PITPNB: variants seen among roughly 807,000 people sequenced by gnomAD.
PITPNB encodes phosphatidylinositol transfer protein beta isoform.
A neutral mutation model predicts 45.9 loss-of-function variants in PITPNB; 16 were observed. The ratio of observed to expected loss-of-function variants is 0.35; its 90% CI spans 0.24 to 0.53. The LOEUF is 0.53. Ranked by LOEUF, PITPNB falls within the 20% of genes least tolerant of loss-of-function variation. The pLI is 0.93. For missense variants in PITPNB, 188 were observed against 330.5 expected (o/e 0.57, Z 3.34); for synonymous variants, 112 against 108.9 (o/e 1.03, Z -0.18).
chr22:27,886,788 G>A (rs1935133772), intron 7 of PITPNB, among the ~76,000 whole-genome samples: 1 of 152,188 alleles, frequency 6.6e-6, no homozygotes, highest in Non-Finnish European at 1.5e-5. Context: ...TTTCATGTTT[G>A]TCCTGACTCT....
intron 3 of PITPNB, among the ~76,000 whole-genome samples, chr22:27,907,610 G>A (rs1235600063): frequency 6.6e-6 from 1 of 151,736 alleles, no homozygotes; most frequent in Non-Finnish European, 1.5e-5. Flanking sequence ...ATTCCTCTCT[G>A]TGCTTTTGCC....
chr22:27,872,480 A>T (rs1298660893), intron 8 of PITPNB, among the ~76,000 whole-genome samples: 6 of 152,152 alleles, frequency 3.9e-5, no homozygotes, highest in Admixed American at 3.9e-4. Context: ...AAACTGGGAG[A>T]ATTCTGAACT....
At chr22:27,871,820 G>A (rs755072555) in intron 8 of PITPNB, among the ~76,000 whole-genome samples, 1 of 152,172 alleles carries the variant, frequency 6.6e-6, no homozygotes, top group South Asian at 2.1e-4. Flanking sequence ...GCCTCTAACA[G>A]GTGTTTGCAT....
At chr22:27,881,722 A>G (rs905045194) in intron 7 of PITPNB, among the ~76,000 whole-genome samples, 1 of 152,168 alleles carries the variant, frequency 6.6e-6, no homozygotes, top group Non-Finnish European at 1.5e-5. Flanking sequence ...TGTAACATCT[A>G]AAACACAGGA....
chr22:27,899,451 T>C (rs1275969169), intron 3 of PITPNB, among the ~76,000 whole-genome samples: 3 of 151,996 alleles, frequency 2.0e-5, no homozygotes, highest in Non-Finnish European at 2.9e-5. Context: ...GGCTCCCGAA[T>C]AGCTGGGGGT....
chr22:27,864,582 A>G lies in PITPNB; in HGVS notation c.535-4341T>C, dbSNP rs1370924921. On this transcript the variant is annotated intron_variant, in intron 8 of 11. Coordinates refer to ENST00000335272, the MANE Select transcript of PITPNB (RefSeq NM_012399.5). ...TATTAACTGAAATACCCACTACAGG[A>G]GACAGGTGAAATACTTCATAGGCCT... Among the ~76,000 whole-genome samples, 3 of 152,296 alleles carry G rather than the reference A, an allele frequency of 2.0e-5. No homozygotes were observed. The East Asian group carries it at 5.8e-4, about 29-fold the overall frequency.
At chr22:27,893,581 C>G (rs1424288784) in intron 7 of PITPNB, among the ~76,000 whole-genome samples, 5 of 132,958 alleles carry the variant, frequency 3.8e-5, no homozygotes, top group Non-Finnish European at 7.8e-5. Context: ...CCATGTCTAG[C>G]CTTTTTTTTT....
chr22:27,916,348 G>A (rs1378590274), intron 1 of PITPNB, among the ~76,000 whole-genome samples: 8 of 152,210 alleles, frequency 5.3e-5, no homozygotes, highest in Non-Finnish European at 1.2e-4. Flanking sequence ...AGTTGAAAAT[G>A]TTCAAATGTC....
Position 27,852,049 on chromosome 22 carries a change from A to G in PITPNB, c.*1653T>C, listed in dbSNP as rs1303828067. 1 of 152,216 alleles carries G rather than the reference A, an allele frequency of 6.6e-6. No individual in the cohort carries two copies. The highest frequency in any genetic ancestry group is 1.5e-5 in the Non-Finnish European group (1 of 68,048). The allele number at this position is 152,216 out of a possible 1,614,324, so 9.4% of individuals were successfully genotyped here. A position where few individuals can be genotyped will look rare whatever the true frequency, so the allele number is the denominator to read the frequency against. On this transcript the variant is annotated 3_prime_UTR_variant, in exon 12 of 12. Transcript: ENST00000335272. ...AGTCTTTATCCTGAGTACACAAAGG[A>G]TGTATGAAATGTGGGTTTTGTTGCT...
chr22:27,874,201 A>C (rs1251876040), intron 7 of PITPNB, among the ~76,000 whole-genome samples: 1 of 152,222 alleles, frequency 6.6e-6, no homozygotes, highest in Non-Finnish European at 1.5e-5. Context: ...CACTACAGGT[A>C]GATGATGACA....
At position 27,853,263 on chromosome 22, in the gene PITPNB, C is replaced by T. The variant is rs1383145156; in HGVS notation, c.*439G>A. 2 of 219,442 alleles carry T rather than the reference C, an allele frequency of 9.1e-6. No individual in the cohort carries two copies. Among genetic ancestry groups the T allele is most frequent in the Non-Finnish European group, 1.8e-5 (2 of 111,928 alleles). 13.6% of individuals were successfully genotyped at this position (219,442 alleles called of 1,614,324 possible). Reference sequence around the variant, plus strand: ...CACAGCTTGACATTTATGAAACATACCAGCTAGTATTACATTGCAGTCAAT... The same window carrying T: ...CACAGCTTGACATTTATGAAACATATCAGCTAGTATTACATTGCAGTCAAT... On this transcript the variant is annotated 3_prime_UTR_variant, in exon 12 of 12. Coordinates refer to ENST00000335272, the MANE Select transcript of PITPNB (RefSeq NM_012399.5).
intron 3 of PITPNB, among the ~76,000 whole-genome samples, chr22:27,904,186 T>A (rs1935692932): frequency 1.3e-5 from 2 of 152,158 alleles, no homozygotes; most frequent in South Asian, 2.1e-4. Flanking sequence ...TATGCACAAA[T>A]GTTAACAGCA....
intron 3 of PITPNB, among the ~76,000 whole-genome samples, chr22:27,901,479 T>C (rs904910505): frequency 5.9e-5 from 9 of 152,254 alleles, no homozygotes; most frequent in African/African-American, 2.2e-4. Flanking sequence ...TAATTTACCA[T>C]AAATAAACCA....
chr22:27,907,484 GTTTA>G (rs1338046623), intron 3 of PITPNB, among the ~76,000 whole-genome samples: 3 of 152,264 alleles, frequency 2.0e-5, no homozygotes, highest in South Asian at 4.1e-4. Flanking sequence ...GTTTTGCCCA[GTTTA>G]TTTATTATTG....
chr22:27,864,478 A>T (rs1303598358), intron 8 of PITPNB, among the ~76,000 whole-genome samples: 1 of 152,232 alleles, frequency 6.6e-6, no homozygotes, highest in Non-Finnish European at 1.5e-5. Context: ...TTCCACTTTT[A>T]GAAACATATC....
chr22:27,885,140 A>G (rs999927845), intron 7 of PITPNB, among the ~76,000 whole-genome samples: 5 of 141,988 alleles, frequency 3.5e-5, no homozygotes, highest in Admixed American at 1.5e-4. Flanking sequence ...TGACTTTTGT[A>G]TATAAATCAT....
chr22:27,897,144 C>T lies in PITPNB; in HGVS notation c.290-7G>A. 6.4e-7 allele frequency: 1 copy of T among 1,569,208 alleles called. No homozygotes were observed. Among genetic ancestry groups the T allele is most frequent in the Non-Finnish European group, 8.8e-7 (1 of 1,139,040 alleles). On this transcript the variant is annotated splice_polypyrimidine_tract_variant and splice_region_variant and intron_variant, in intron 4 of 11. Coordinates refer to ENST00000335272, the MANE Select transcript of PITPNB (RefSeq NM_012399.5). ...GTTTTACTCACCGTTACAACTGAGG[C>T]ATAATGGAGAGGTAGGTAATGAAAG... is the stretch of plus-strand genomic sequence containing the variant.
intron 2 of PITPNB, among the ~76,000 whole-genome samples, chr22:27,911,727 T>C (rs768611742): frequency 1.2e-4 from 19 of 152,204 alleles, no homozygotes; most frequent in Admixed American, 5.9e-4. Flanking sequence ...AGAAACAGTA[T>C]TGGGGGCCCA....
intron 7 of PITPNB, among the ~76,000 whole-genome samples, chr22:27,886,516 A>G (rs1935126544): frequency 6.6e-6 from 1 of 152,228 alleles, no homozygotes; most frequent in South Asian, 2.1e-4. Context: ...CCACTCAAGT[A>G]TTCAGTTATG....
Sources: gnomAD v4.1 joint callset for allele counts (sites outside exome capture counted in the v4.1 genomes callset) on GRCh38, gnomAD v4.1.1 for gene constraint, MANE v1.5 for transcripts, NCBI Gene and HGNC (gene_info 2026-07-23, HGNC 2026-07-21) for gene names.